The following PCED1A variants were observed in gnomAD, a reference collection of about 807,000 sequenced individuals.
The protein encoded by PCED1A is PC-esterase domain containing 1A, also known as PC-esterase domain-containing protein 1A.
PCED1A carries 20 observed loss-of-function variants against 41.9 expected under a neutral mutation model. The observed-to-expected ratio is 0.48, with a 90% CI of 0.34 to 0.69. PCED1A has a LOEUF of 0.69. PCED1A is among the 30% of genes least tolerant of loss of function. PCED1A has a pLI of 0.01. For synonymous variants in PCED1A, 236 were observed against 241.3 expected, an observed-to-expected ratio of 0.98 and a Z score of 0.20; for missense variants, 498 against 602.1, an observed-to-expected ratio of 0.83 and a Z score of 1.81.
In PCED1A at chr20:2,835,601, C is replaced by T. The variant is rs564202048; in HGVS notation, c.1226G>A (p.Arg409His). The T allele has an allele frequency of 2.0e-5, 32 of 1,613,850 alleles. No individual in the cohort carries two copies. The Middle Eastern group carries it at 6.6e-4, about 33-fold the overall frequency. The change falls in exon 8 of 8, where the codon CGC becomes CAC. Residue 409 changes from arginine to histidine, a missense_variant. Physicochemically the swap from Arg to His is conservative, Grantham distance 29. Around this residue, in one of 2 missense-constraint regions of PCED1A, gnomAD observed 245 missense variants for 232.4 expected, o/e 1.05. Coordinates refer to ENST00000360652, the MANE Select transcript of PCED1A (RefSeq NM_022760.6). ...WGPVVHRGMP[R>H]YVPNSPYHVR... ...ATGGTAGGGGCTGTTAGGAACATAG[C>T]GTGGCATCCCCCGGTGGACCACTGG...
At chr20:2,837,833 C>CG (rs1599951095) in intron 6 of PCED1A, among the ~76,000 whole-genome samples, 3 of 152,128 alleles carry the variant, frequency 2.0e-5, no homozygotes, top group South Asian at 2.1e-4. Flanking sequence ...ACTGTACCCC[C>CG]ACCCCCCAGC....
At position 2,839,913 on chromosome 20, in the gene PCED1A, G is replaced by A. The variant is rs759524222; in HGVS notation, c.-1C>T. On this transcript the variant is annotated 5_prime_UTR_variant, in exon 2 of 8. Coordinates refer to ENST00000360652, the MANE Select transcript of PCED1A (RefSeq NM_022760.6). ...CCTCGCTCGACAGACAGAAGACCAT[G>A]CCGCCACCAGCAACGACAGGCTGCA... 1 of 1,611,462 alleles carries A rather than the reference G, an allele frequency of 6.2e-7. No individual in the cohort carries two copies. The highest frequency in any genetic ancestry group is 1.1e-5 in the South Asian group (1 of 90,984).
Position 2,838,881 on chromosome 20 carries a change from G to C in PCED1A, c.406C>G (p.Leu136Val). ...EELTYGPAPD[L>V]VIINSCLWDL... ...CAGAGGCAGGAGTTGATGATCACCA[G>C]GTCCGGGGCAGGTCCATATGTCAGC... The change falls in exon 4 of 8, where the codon CTG (leucine) becomes GTG (valine). Residue 136 changes from leucine (L) to valine (V), a missense_variant. Around this residue, in one of 2 missense-constraint regions of PCED1A, gnomAD observed 253 missense variants for 369.7 expected, o/e 0.68. Transcript: ENST00000360652. This position sits in a 1 kb window ranked among gnomAD's most constrained non-coding sequence, Gnocchi z 5.8. The C allele has an allele frequency of 6.2e-7, 1 of 1,614,162 alleles. No homozygotes were observed. The highest frequency in any genetic ancestry group is 8.5e-7 in the Non-Finnish European group (1 of 1,180,036).
At position 2,838,803 on chromosome 20, in the gene PCED1A, C is replaced by T. The variant is rs770033439; in HGVS notation, c.443+41G>A. ...ACAAGGGTGGACTGCCTCAGCCGTACTTCCAGCCCCAACCAGTATTCCCCT... is the reference window on the plus strand; with the variant it reads ...ACAAGGGTGGACTGCCTCAGCCGTATTTCCAGCCCCAACCAGTATTCCCCT... On this transcript the variant is annotated intron_variant, in intron 4 of 7. Transcript: ENST00000360652. The surrounding 1 kb of genome is among the most constrained non-coding windows in gnomAD (Gnocchi z 5.8). The T allele has an allele frequency of 6.2e-7, 1 of 1,614,192 alleles. No individual in the cohort carries two copies. The highest frequency in any genetic ancestry group is 8.5e-7 in the Non-Finnish European group (1 of 1,180,016).
At chr20:2,840,808 G>A (rs1174976066), upstream of PCED1A, 8 of 1,548,080 alleles carry the variant, frequency 5.2e-6, no homozygotes, top group Non-Finnish European at 7.0e-6. Context: ...GAACCCACTC[G>A]GGGACTCTGC....
chr20:2,840,235 C>T lies in PCED1A; in HGVS notation c.-46G>A, dbSNP rs888865609. 5 of 264,994 alleles carry T rather than the reference C, an allele frequency of 1.9e-5. No individual in the cohort carries two copies. The Admixed American group carries it at 2.8e-4, about 15-fold the overall frequency. 16.4% of individuals were successfully genotyped at this position (264,994 alleles called of 1,614,324 possible). On this transcript the variant is annotated 5_prime_UTR_variant, in exon 1 of 8. Transcript: ENST00000360652. ...CCAAGTCCCGGGGCTCCGCGGTGTTCACCCGCGACCCGGGTATGCCTGCGC... is the reference window on the plus strand; with the variant it reads ...CCAAGTCCCGGGGCTCCGCGGTGTTTACCCGCGACCCGGGTATGCCTGCGC...
chr20:2,841,060 C>T, upstream of PCED1A: 1 of 551,746 alleles, frequency 1.8e-6, no homozygotes, highest in Non-Finnish European at 3.2e-6. Flanking sequence ...AAGCCCAGGT[C>T]TGTTAGCCTC....
At position 2,836,170 on chromosome 20, in the gene PCED1A, G is replaced by A. The variant is rs1369313611; in HGVS notation, c.986C>T (p.Pro329Leu). The part of the protein sequence containing the change: ...PPPMPFPYPL[P>L]QPSPPPLFPP... ...GAAGAGGGGAGGTGGCGAGGGCTGA[G>A]GAAGCGGGTAGGGAAAAGGCATGGG... The change falls in exon 7 of 8, where the codon CCT (proline) becomes CTT (leucine). Residue 329 changes from proline to leucine, a missense_variant. By Grantham distance (98) the Pro-to-Leu change is moderately conservative. Around this residue, in one of 2 missense-constraint regions of PCED1A, gnomAD observed 245 missense variants for 232.4 expected, o/e 1.05. Coordinates refer to ENST00000360652, the MANE Select transcript of PCED1A (RefSeq NM_022760.6). 4 of 1,610,670 alleles carry A rather than the reference G, an allele frequency of 2.5e-6. No homozygotes were observed. The highest frequency in any genetic ancestry group is 3.4e-6 in the Non-Finnish European group (4 of 1,177,758).
At chr20:2,841,006 CT>C (rs770265748), upstream of PCED1A, 8 of 613,356 alleles carry the variant, frequency 1.3e-5, no homozygotes, top group Non-Finnish European at 2.2e-5. Context: ...GGGCCTTCCC[CT>C]GCTCCAGAAA....
chr20:2,835,517 T>C lies in PCED1A; in HGVS notation c.1310A>G (p.His437Arg), dbSNP rs1254376345. The C allele has an allele frequency of 6.2e-7, 1 of 1,614,060 alleles. No individual in the cohort carries two copies. Among genetic ancestry groups the C allele is most frequent in the Non-Finnish European group, 8.5e-7 (1 of 1,180,020 alleles). ...QRLRHSERLI[H>R]TYKLDRRPPA... ...AGGCCGTCTGTCCAGTTTGTATGTGTGGATCAGTCTCTCTGAGTGTCTGAG... is the reference window on the plus strand; with the variant it reads ...AGGCCGTCTGTCCAGTTTGTATGTGCGGATCAGTCTCTCTGAGTGTCTGAG... The change falls in exon 8 of 8, where the codon CAC becomes CGC. Residue 437 changes from histidine (H) to arginine (R), a missense_variant. His to Arg is a conservative substitution (Grantham distance 29). Transcript: ENST00000360652.
rs1461357372 is a variant in PCED1A at position 2,839,281 on chromosome 20, G to C, written c.125-10C>G. ...TACACAGCCCTCTGAACTGGGAGGA[G>C]ACAGAGATCCCAAGGCTGAGGCAGA... On this transcript the variant is annotated splice_polypyrimidine_tract_variant and intron_variant, in intron 2 of 7. Coordinates refer to ENST00000360652, the MANE Select transcript of PCED1A (RefSeq NM_022760.6). 1.9e-6 allele frequency: 3 copies of C among 1,613,040 alleles called. No individual in the cohort carries two copies. The highest frequency in any genetic ancestry group is 2.5e-6 in the Non-Finnish European group (3 of 1,179,626).
At position 2,835,786 on chromosome 20, in the gene PCED1A, C is replaced by T. The variant is rs1486446367; in HGVS notation, c.1118-77G>A. 3.3e-6 allele frequency: 5 copies of T among 1,504,686 alleles called. No individual in the cohort carries two copies. The South Asian group carries it at 5.4e-5, about 16-fold the overall frequency. The allele number at this position is 1,504,686 out of a possible 1,614,324, so 93.2% of individuals were successfully genotyped here. ...AGCTCTGCCTTGAAGCAACTCTTGT[C>T]CTCCAGGTGAGCTTCTCTGTTTCCC... On this transcript the variant is annotated intron_variant, in intron 7 of 7. Coordinates refer to ENST00000360652, the MANE Select transcript of PCED1A (RefSeq NM_022760.6).
chr20:2,836,547 C>T (rs1396790555), intron 6 of PCED1A, among the ~76,000 whole-genome samples: 1 of 152,176 alleles, frequency 6.6e-6, no homozygotes, highest in East Asian at 1.9e-4. Context: ...ACACTTCCCT[C>T]CAGAGCCTTC....
intron 7 of PCED1A, 63 bp downstream of exon 7, chr20:2,835,976 C>G: frequency 1.4e-6 from 2 of 1,453,446 alleles, no homozygotes; most frequent in Non-Finnish European, 1.8e-6. Context: ...CTCAGCTCAC[C>G]TAGGCATAGG....
Position 2,836,334 on chromosome 20 carries a change from T to C in PCED1A, c.842-20A>G. ...ACGGGTCTAGGAATGGGATGGTTGT[T>C]TTAGGTAGGCTTGGGAGCCAGGCTG... On this transcript the variant is annotated intron_variant, in intron 6 of 7. Coordinates refer to ENST00000360652, the MANE Select transcript of PCED1A (RefSeq NM_022760.6). 1.2e-6 allele frequency: 2 copies of C among 1,606,854 alleles called. No homozygotes were observed. Among genetic ancestry groups the C allele is most frequent in the Non-Finnish European group, 1.7e-6 (2 of 1,173,638 alleles).
intron 6 of PCED1A, among the ~76,000 whole-genome samples, chr20:2,837,439 T>G (rs1266437236): frequency 2.0e-5 from 3 of 152,006 alleles, no homozygotes; most frequent in African/African-American, 7.3e-5. Flanking sequence ...CTGAAAGGGG[T>G]GAGTCGTCAA....
chr20:2,835,935 T>G, intron 7 of PCED1A, 104 bp downstream of exon 7: 1 of 1,447,178 alleles, frequency 6.9e-7, no homozygotes, highest in Non-Finnish European at 9.1e-7. Flanking sequence ...CCAAACCCAG[T>G]GCTAGGGGCA....
rs2088831451 is a variant in PCED1A, at chr20:2,836,199, A to G, written c.957T>C (p.Pro319=). 1 of 1,590,574 alleles carries G rather than the reference A, an allele frequency of 6.3e-7. No homozygotes were observed. Among genetic ancestry groups the G allele is most frequent in the Non-Finnish European group, 8.6e-7 (1 of 1,162,330 alleles). Residue 319 remains proline (P), a synonymous_variant, in exon 7 of 8, where the codon CCT becomes CCC. Coordinates refer to ENST00000360652, the MANE Select transcript of PCED1A (RefSeq NM_022760.6). ...GCGGGTAGGGAAAAGGCATGGGAGG[A>G]GGCAAAGAAGAAGGTGGGGGTGGGA... ...ALLPPPPSSL[P]PPMPFPYPLP...
chr20:2,840,735 G>A (rs745745429), upstream of PCED1A: 21 of 1,546,362 alleles, frequency 1.4e-5, no homozygotes, highest in Middle Eastern at 9.0e-4. Context: ...CTCTAGGTGG[G>A]TGTCCCCTCG....
Sources: allele counts gnomAD v4.1 joint callset (sites outside exome capture counted in the v4.1 genomes callset), GRCh38; gene constraint gnomAD v4.1.1; regional missense constraint gnomAD v4.1.1; non-coding constraint Gnocchi (gnomAD v3.1); transcripts MANE v1.5; gene names NCBI Gene and HGNC (gene_info 2026-07-23, HGNC 2026-07-21).